The following GADL1 variants were observed in gnomAD, a reference collection of about 807,000 sequenced individuals.
GADL1 encodes acidic amino acid decarboxylase GADL1.
Under a neutral mutation model 69.5 loss-of-function variants are expected in GADL1, and 71 were observed. That is an observed-to-expected ratio of 1.02 (90% CI 0.84 to 1.25). The LOEUF (loss-of-function observed/expected upper bound fraction) is 1.25. Among genes scored for constraint, GADL1 ranks in the 50% most tolerant of loss-of-function variants. The probability of loss-of-function intolerance (pLI) is 0.00; values close to 1 mark genes in which losing one functional copy is unlikely to be tolerated. For synonymous variants in GADL1, 254 were observed against 214.4 expected, an observed-to-expected ratio of 1.18 and a Z score of -1.62; for missense variants, 737 against 631.8, an observed-to-expected ratio of 1.17 and a Z score of -1.79.
At position 30,785,395 on chromosome 3, in the gene GADL1, TC is replaced by T. The variant is rs780920430; in HGVS notation, c.1302+959del. Among the ~76,000 whole-genome samples, 50 of 149,758 alleles carry T rather than the reference TC, an allele frequency of 3.3e-4. 1 individual carries two copies. The highest frequency in any genetic ancestry group is 1.1e-3 in the African/African-American group (44 of 40,816). Reference sequence around the variant, plus strand: ...AGATTTCTTTTTCTTTTTTTTTTTTTCCCCCCGAGACAGAGTTTCACTCTTG... The same window carrying T: ...AGATTTCTTTTTCTTTTTTTTTTTTTCCCCCGAGACAGAGTTTCACTCTTG... On this transcript the variant is annotated intron_variant, in intron 13 of 14. Coordinates refer to ENST00000282538, the MANE Select transcript of GADL1 (RefSeq NM_207359.3).
At chr3:30,762,978 G>A (rs570102454) in intron 14 of GADL1, among the ~76,000 whole-genome samples, 1 of 152,110 alleles carries the variant, frequency 6.6e-6, no homozygotes, top group East Asian at 1.9e-4. Flanking sequence ...TCTGTAGATG[G>A]ACACTTAGGT....
chr3:30,804,639 T>C (rs1697221801), intron 11 of GADL1, among the ~76,000 whole-genome samples: 1 of 152,210 alleles, frequency 6.6e-6, no homozygotes, highest in Non-Finnish European at 1.5e-5. Context: ...CTTTTATTTC[T>C]AATGTTTTCT....
At chr3:30,783,114 G>T (rs1696704530) in intron 13 of GADL1, among the ~76,000 whole-genome samples, 1 of 152,164 alleles carries the variant, frequency 6.6e-6, no homozygotes. Flanking sequence ...ATTAAGACAG[G>T]TTTGCTGCAT....
intron 14 of GADL1, among the ~76,000 whole-genome samples, chr3:30,754,122 C>T (rs1334371106): frequency 6.6e-6 from 1 of 152,158 alleles, no homozygotes; most frequent in African/African-American, 2.4e-5. Flanking sequence ...ATGTGCCTCC[C>T]AAATAAGTAA....
chr3:30,846,167 A>C (rs748446659), intron 6 of GADL1, among the ~76,000 whole-genome samples: 1 of 152,206 alleles, frequency 6.6e-6, no homozygotes, highest in Non-Finnish European at 1.5e-5. Context: ...AGACATGCTG[A>C]GTAGTTTCAA....
At chr3:30,847,770 CCT>C (rs1698081527) in intron 6 of GADL1, among the ~76,000 whole-genome samples, 1 of 152,150 alleles carries the variant, frequency 6.6e-6, no homozygotes, top group Non-Finnish European at 1.5e-5. Flanking sequence ...ATATATTTTG[CCT>C]CTCTTTGGAA....
chr3:30,783,984 C>G (rs1203071498), intron 13 of GADL1, among the ~76,000 whole-genome samples: 1 of 152,088 alleles, frequency 6.6e-6, no homozygotes, highest in Non-Finnish European at 1.5e-5. Flanking sequence ...TTCATAAGCA[C>G]TATAGCTCCC....
At chr3:30,812,689 T>A (rs1217564589) in intron 11 of GADL1, among the ~76,000 whole-genome samples, 3 of 152,156 alleles carry the variant, frequency 2.0e-5, no homozygotes, top group Non-Finnish European at 4.4e-5. Context: ...AAACTTGTGT[T>A]CAGAAGCTAG....
chr3:30,832,683 T>C (rs970850415), intron 11 of GADL1, among the ~76,000 whole-genome samples: 2 of 152,058 alleles, frequency 1.3e-5, no homozygotes, highest in Non-Finnish European at 2.9e-5. Context: ...CCATCCTAAA[T>C]GTGTACCTAT....
chr3:30,863,720 C>G (rs916839541), intron 1 of GADL1, among the ~76,000 whole-genome samples: 3 of 145,066 alleles, frequency 2.1e-5, no homozygotes, highest in African/African-American at 5.0e-5. Context: ...CAAAAAAAAA[C>G]CCTTCTAAAT....
At chr3:30,885,210 TG>T (rs1488687456) in intron 1 of GADL1, among the ~76,000 whole-genome samples, 2 of 152,134 alleles carry the variant, frequency 1.3e-5, no homozygotes, top group Non-Finnish European at 2.9e-5. Flanking sequence ...AGAATTGCAC[TG>T]TTCCTCCATT....
chr3:30,885,689 A>G (rs944067565), intron 1 of GADL1, among the ~76,000 whole-genome samples: 4 of 151,780 alleles, frequency 2.6e-5, no homozygotes, highest in Non-Finnish European at 5.9e-5. Context: ...TATATAAACT[A>G]TCTTTCAAAC....
At chr3:30,787,247 A>AT (rs1277576168) in intron 12 of GADL1, among the ~76,000 whole-genome samples, 1 of 152,208 alleles carries the variant, frequency 6.6e-6, no homozygotes, top group Non-Finnish European at 1.5e-5. Context: ...GTAGCCATTG[A>AT]TATAATATCT....
rs372471218 is a variant in GADL1 at position 30,808,753 on chromosome 3, G to A, written c.1051-7665C>T. ...CCTCTCTTCATTTCTCTAAATGCAAGTCCACCCACTACTTTTATCTTTCTC... is the reference window on the plus strand; with the variant it reads ...CCTCTCTTCATTTCTCTAAATGCAAATCCACCCACTACTTTTATCTTTCTC... On this transcript the variant is annotated intron_variant, in intron 11 of 14. Coordinates refer to ENST00000282538, the MANE Select transcript of GADL1 (RefSeq NM_207359.3). 2.4e-3 allele frequency among the ~76,000 whole-genome samples: 359 copies of A among 152,268 alleles called. 1 individual carries two copies. Among genetic ancestry groups the A allele is most frequent in the African/African-American group, 8.4e-3 (350 of 41,552 alleles).
At chr3:30,788,599 A>G (rs183269626) in intron 12 of GADL1, among the ~76,000 whole-genome samples, 9 of 152,288 alleles carry the variant, frequency 5.9e-5, no homozygotes, top group Non-Finnish European at 1.3e-4. Context: ...CTGCTTTCAC[A>G]AAAGATTTCT....
At chr3:30,793,957 A>AT (rs1696975095) in intron 12 of GADL1, among the ~76,000 whole-genome samples, 1 of 152,158 alleles carries the variant, frequency 6.6e-6, no homozygotes, top group South Asian at 2.1e-4. Flanking sequence ...CACATGTCAC[A>AT]TGACTTGTGG....
chr3:30,757,641 T>G (rs547945245), intron 14 of GADL1, among the ~76,000 whole-genome samples: 2 of 152,278 alleles, frequency 1.3e-5, no homozygotes, highest in African/African-American at 2.4e-5. Context: ...CCACAGAGAA[T>G]GAGTAAACAC....
intron 14 of GADL1, among the ~76,000 whole-genome samples, chr3:30,774,463 T>G (rs141629458): frequency 6.6e-6 from 1 of 152,186 alleles, no homozygotes. Flanking sequence ...AGTTCATAAT[T>G]TTTGAAAAGT....
intron 11 of GADL1, among the ~76,000 whole-genome samples, chr3:30,807,957 G>GGAA (rs1224772648): frequency 2.2e-5 from 3 of 135,182 alleles, no homozygotes; most frequent in African/African-American, 8.9e-5. Context: ...GTTTGAACCC[G>GGAA]GGAGGTGGAG....
Sources: allele counts gnomAD v4.1 joint callset (sites outside exome capture counted in the v4.1 genomes callset), GRCh38; gene constraint gnomAD v4.1.1; transcripts MANE v1.5; gene names NCBI Gene and HGNC (gene_info 2026-07-23, HGNC 2026-07-21).